NUP93: variants seen among roughly 807,000 people sequenced by gnomAD.
NUP93 encodes nucleoporin 93.
A neutral mutation model predicts 107.8 loss-of-function variants in NUP93; 55 were observed. The observed-to-expected ratio is 0.51, with a 90% CI of 0.41 to 0.64. NUP93 has a LOEUF of 0.64. Among genes scored for constraint, NUP93 ranks in the 30% least tolerant of loss-of-function variants. NUP93 has a pLI of 0.00. For missense variants in NUP93, 937 were observed against 1,044.7 expected, an observed-to-expected ratio of 0.90 and a Z score of 1.42; for synonymous variants, 390 against 397.5, an observed-to-expected ratio of 0.98 and a Z score of 0.22.
intron 2 of NUP93, among the ~76,000 whole-genome samples, chr16:56,752,573 C>G (rs570863917): frequency 1.9e-4 from 29 of 152,266 alleles, no homozygotes; most frequent in African/African-American, 6.7e-4. Context: ...GATACTAATA[C>G]TCCCTAAATT....
At chr16:56,740,189 T>C (rs1471443154) in intron 1 of NUP93, among the ~76,000 whole-genome samples, 9 of 131,886 alleles carry the variant, frequency 6.8e-5, no homozygotes, top group Non-Finnish European at 1.1e-4. Context: ...ACTTCCCAGA[T>C]GGGGTGGCTG....
At chr16:56,770,879 C>T (rs1002599559) in intron 3 of NUP93, among the ~76,000 whole-genome samples, 6 of 151,068 alleles carry the variant, frequency 4.0e-5, no homozygotes, top group Non-Finnish European at 7.4e-5. Context: ...CTAGCTAACA[C>T]GGTGAAACCC....
At position 56,798,517 on chromosome 16, in the gene NUP93, C is replaced by T; in HGVS notation, c.339C>T (p.Ala113=). The change falls in exon 4 of 22, where the codon GCC becomes GCT. Residue 113 remains alanine (A), a synonymous_variant. Coordinates refer to ENST00000308159, the MANE Select transcript of NUP93 (RefSeq NM_014669.5). ...AGAAGGACAATGCCCTGCTGTCTGC[C>T]ATCGAAGAGTCCCGGAAGAGGGTAA... ...KNEKDNALLS[A]IEESRKRTFG... 6.2e-7 allele frequency: 1 copy of T among 1,614,026 alleles called. No homozygotes were observed. The highest frequency in any genetic ancestry group is 8.5e-7 in the Non-Finnish European group (1 of 1,179,954).
intron 5 of NUP93, among the ~76,000 whole-genome samples, chr16:56,806,171 A>G (rs1038543251): frequency 6.6e-6 from 1 of 150,862 alleles, no homozygotes; most frequent in African/African-American, 2.4e-5. Context: ...AGAGTTCCCT[A>G]TCTTTATAAG....
At chr16:56,827,990 C>G (rs1293978532) in intron 8 of NUP93, among the ~76,000 whole-genome samples, 1 of 152,028 alleles carries the variant, frequency 6.6e-6, no homozygotes, top group African/African-American at 2.4e-5. Flanking sequence ...CGTGGTGGCC[C>G]ACGCCTGTAA....
chr16:56,786,898 A>G (rs1296697146), intron 3 of NUP93, among the ~76,000 whole-genome samples: 2 of 152,172 alleles, frequency 1.3e-5, no homozygotes, highest in African/African-American at 4.8e-5. Context: ...GTTTCAGGCA[A>G]TTTGTATTTG....
chr16:56,833,077 C>G, intron 12 of NUP93, 138 bp from the exon 13 acceptor site: 2 of 687,476 alleles, frequency 2.9e-6, no homozygotes, highest in African/African-American at 1.9e-5. Context: ...CCCCCTTGAT[C>G]AATTCAGACT....
chr16:56,754,975 A>G (rs1596772648), intron 2 of NUP93, among the ~76,000 whole-genome samples: 3 of 152,222 alleles, frequency 2.0e-5, no homozygotes, highest in African/African-American at 4.8e-5. Flanking sequence ...TGTAATCAAA[A>G]AGATAGTAAC....
At chr16:56,790,838 A>G (rs1962745721) in intron 3 of NUP93, among the ~76,000 whole-genome samples, 2 of 152,160 alleles carry the variant, frequency 1.3e-5, no homozygotes, top group African/African-American at 4.8e-5. Context: ...TTCTTGTTTT[A>G]TCTTGGAGCA....
chr16:56,832,072 G>A, intron 11 of NUP93, 65 bp downstream of exon 11: 1 of 1,570,042 alleles, frequency 6.4e-7, no homozygotes, highest in East Asian at 2.2e-5. Context: ...TCCCCGCAAA[G>A]ATTTTACCTG....
chr16:56,798,379 C>A, intron 3 of NUP93, 97 bp from the exon 4 acceptor site: 2 of 959,052 alleles, frequency 2.1e-6, no homozygotes, highest in East Asian at 2.6e-5. Flanking sequence ...GTGTAGGTAG[C>A]ATAGTAGATA....
intron 10 of NUP93, chr16:56,831,513 C>G (rs1366976376): frequency 4.7e-6 from 1 of 211,356 alleles, no homozygotes; most frequent in East Asian, 1.2e-4. Context: ...GGGGCTAAGA[C>G]AGTTAAGGGA....
At chr16:56,822,179 T>C (rs1028954426) in intron 7 of NUP93, among the ~76,000 whole-genome samples, 1 of 151,630 alleles carries the variant, frequency 6.6e-6, no homozygotes, top group Admixed American at 6.6e-5. Flanking sequence ...AAGGCTATTA[T>C]GGAAGCAAGC....
intron 8 of NUP93, among the ~76,000 whole-genome samples, chr16:56,826,963 T>C (rs1270745892): frequency 2.8e-5 from 4 of 142,308 alleles, no homozygotes; most frequent in African/African-American, 1.0e-4. Context: ...GGAGAATTGC[T>C]TGAACCCGGT....
intron 2 of NUP93, among the ~76,000 whole-genome samples, chr16:56,755,297 A>G: frequency 6.6e-6 from 1 of 152,240 alleles, no homozygotes. Flanking sequence ...AAAGGAGTGA[A>G]GTACTAATAC....
chr16:56,802,910 A>G lies in NUP93; in HGVS notation c.361-2594A>G, dbSNP rs117439839. 4.6e-5 allele frequency among the ~76,000 whole-genome samples: 7 copies of G among 152,282 alleles called. No individual in the cohort carries two copies. The East Asian group carries it at 1.4e-3, about 29-fold the overall frequency. ...GCTGAGAATGGTCATAATTCAATCT[A>G]TCTATGTTGTTTTAATTCTCAGATT... On this transcript the variant is annotated intron_variant, in intron 4 of 21. Coordinates refer to ENST00000308159, the MANE Select transcript of NUP93 (RefSeq NM_014669.5).
At chr16:56,791,901 C>CA (rs1385785415) in intron 3 of NUP93, among the ~76,000 whole-genome samples, 1 of 152,218 alleles carries the variant, frequency 6.6e-6, no homozygotes, top group Non-Finnish European at 1.5e-5. Flanking sequence ...ACCTCTAAAG[C>CA]AATGAGTTCA....
At chr16:56,754,956 T>C (rs1961991699) in intron 2 of NUP93, among the ~76,000 whole-genome samples, 1 of 152,188 alleles carries the variant, frequency 6.6e-6, no homozygotes, top group South Asian at 2.1e-4. Flanking sequence ...AGTGGGCCAC[T>C]ACAATGGCTG....
At chr16:56,820,805 G>C (rs908236472) in intron 6 of NUP93, among the ~76,000 whole-genome samples, 1 of 152,102 alleles carries the variant, frequency 6.6e-6, no homozygotes, top group African/African-American at 2.4e-5. Context: ...TTAAGATTTA[G>C]AACTAGTTAA....
Sources: allele counts gnomAD v4.1 joint callset (sites outside exome capture counted in the v4.1 genomes callset), GRCh38; gene constraint gnomAD v4.1.1; transcripts MANE v1.5; gene names NCBI Gene and HGNC (gene_info 2026-07-23, HGNC 2026-07-21).